The following AGBL4 variants were observed in gnomAD, a reference collection of about 807,000 sequenced individuals.
AGBL4 encodes cytosolic carboxypeptidase 6.
Under a neutral mutation model 66.4 loss-of-function variants are expected in AGBL4, and 58 were observed. The ratio of observed to expected loss-of-function variants is 0.87; its 90% CI spans 0.71 to 1.09. The LOEUF (loss-of-function observed/expected upper bound fraction) is 1.09, where lower values mean the gene tolerates loss of function less well. Ranked by LOEUF, AGBL4 falls within the 50% of genes least tolerant of loss-of-function variation. The pLI, the probability that AGBL4 is intolerant of heterozygous loss-of-function variation, is 0.00. For synonymous variants in AGBL4, 234 were observed against 222.9 expected (o/e 1.05, Z -0.44); for missense variants, 579 against 631.0 (o/e 0.92, Z 0.88).
chr1:49,719,805 G>C (rs958125919), intron 2 of AGBL4, among the ~76,000 whole-genome samples: 3 of 152,186 alleles, frequency 2.0e-5, no homozygotes. Flanking sequence ...CTATTCTTGT[G>C]ATGTGAGCGA....
chr1:49,483,742 C>T lies in AGBL4; in HGVS notation c.282+213571G>A, dbSNP rs761461851. Among the ~76,000 whole-genome samples, 25 of 151,516 alleles carry T rather than the reference C, an allele frequency of 1.6e-4. 1 individual carries two copies. Among genetic ancestry groups the T allele is most frequent in the Non-Finnish European group, 3.2e-4 (22 of 67,858 alleles). Reference sequence around the variant, plus strand: ...CACAGGCAACCAAAGTAAACATGGCCCAATGAAATCCCATCATGTTAAAAA... The same window carrying T: ...CACAGGCAACCAAAGTAAACATGGCTCAATGAAATCCCATCATGTTAAAAA... On this transcript the variant is annotated intron_variant, in intron 3 of 13. Coordinates refer to ENST00000371839, the MANE Select transcript of AGBL4 (RefSeq NM_032785.4).
intron 2 of AGBL4, among the ~76,000 whole-genome samples, chr1:49,709,523 AC>A (rs1165388545): frequency 6.6e-6 from 1 of 152,204 alleles, no homozygotes; most frequent in Non-Finnish European, 1.5e-5. Context: ...AGACTTCATG[AC>A]TAAAACACCA....
At chr1:49,575,995 G>T (rs1644428700) in intron 3 of AGBL4, among the ~76,000 whole-genome samples, 2 of 152,180 alleles carry the variant, frequency 1.3e-5, no homozygotes, top group African/African-American at 4.8e-5. Flanking sequence ...TTATTGGTGA[G>T]ACATTTGCAT....
At chr1:48,740,141 A>G (rs1470449639) in intron 6 of AGBL4, among the ~76,000 whole-genome samples, 1 of 152,238 alleles carries the variant, frequency 6.6e-6, no homozygotes, top group East Asian at 1.9e-4. Context: ...ACTCAAGTAC[A>G]AGGCCAACTT....
chr1:48,594,050 G>T (rs1028112728), intron 9 of AGBL4, among the ~76,000 whole-genome samples: 1 of 152,174 alleles, frequency 6.6e-6, no homozygotes, highest in Admixed American at 6.5e-5. Flanking sequence ...TTGCAGCCGG[G>T]CATGGTGGCT....
intron 2 of AGBL4, among the ~76,000 whole-genome samples, chr1:49,712,958 A>C (rs1318840270): frequency 1.3e-5 from 2 of 152,046 alleles, no homozygotes; most frequent in Admixed American, 6.6e-5. Context: ...AACATTCAAT[A>C]ACATTAACTA....
chr1:48,955,078 CTGTT>C (rs1657321535), intron 5 of AGBL4, among the ~76,000 whole-genome samples: 1 of 152,138 alleles, frequency 6.6e-6, no homozygotes, highest in South Asian at 2.1e-4. Flanking sequence ...CTGTGCTGCA[CTGTT>C]TGTCTGTAGA....
At chr1:48,654,977 C>G (rs1246183892) in intron 7 of AGBL4, among the ~76,000 whole-genome samples, 1 of 152,224 alleles carries the variant, frequency 6.6e-6, no homozygotes, top group Admixed American at 6.5e-5. Context: ...CAGTAATTGA[C>G]CCCAGCTCCC....
At chr1:48,892,890 C>T (rs375209527) in intron 5 of AGBL4, among the ~76,000 whole-genome samples, 1 of 152,076 alleles carries the variant, frequency 6.6e-6, no homozygotes, top group Non-Finnish European at 1.5e-5. Flanking sequence ...TCTGGTTAGA[C>T]CATCTTTCTA....
chr1:49,865,534 AAAAC>A (rs1398584728), intron 1 of AGBL4, among the ~76,000 whole-genome samples: 4 of 152,302 alleles, frequency 2.6e-5, no homozygotes, highest in East Asian at 1.9e-4. Context: ...TTTTGAAAGC[AAAAC>A]AAACAAACAG....
intron 11 of AGBL4, among the ~76,000 whole-genome samples, chr1:48,551,353 C>G (rs1644245693): frequency 6.6e-6 from 1 of 152,178 alleles, no homozygotes; most frequent in African/African-American, 2.4e-5. Context: ...ATGCTTCCTA[C>G]CTCAGGATTA....
At chr1:49,592,711 T>G (rs1644774988) in intron 3 of AGBL4, among the ~76,000 whole-genome samples, 1 of 152,122 alleles carries the variant, frequency 6.6e-6, no homozygotes, top group African/African-American at 2.4e-5. Flanking sequence ...CAAGTCAAAT[T>G]GGCTATTATT....
chr1:48,847,887 G>C lies in AGBL4; in HGVS notation c.634+19304C>G, dbSNP rs548184787. ...ATAGAATATAGTTCTATGGTGGCCT[G>C]ATTCTAGAATTGGTACACATTAATA... On this transcript the variant is annotated intron_variant, in intron 6 of 13. Transcript: ENST00000371839. 6.6e-5 allele frequency among the ~76,000 whole-genome samples: 10 copies of C among 152,258 alleles called. No individual in the cohort carries two copies. The South Asian group carries it at 2.1e-3, about 32-fold the overall frequency.
At chr1:49,041,724 G>C (rs1643947601) in intron 5 of AGBL4, among the ~76,000 whole-genome samples, 1 of 152,122 alleles carries the variant, frequency 6.6e-6, no homozygotes, top group Admixed American at 6.6e-5. Context: ...AACCCGGTAT[G>C]TGTGTTGTGT....
At chr1:48,816,131 A>G (rs1171003342) in intron 6 of AGBL4, among the ~76,000 whole-genome samples, 2 of 152,148 alleles carry the variant, frequency 1.3e-5, no homozygotes, top group Admixed American at 6.6e-5. Flanking sequence ...ACAGACAGAC[A>G]GAGACAGAGA....
chr1:49,332,171 G>A lies in AGBL4; in HGVS notation c.283-86307C>T, dbSNP rs139881337. 1.2e-3 allele frequency among the ~76,000 whole-genome samples: 184 copies of A among 152,286 alleles called. 1 individual carries two copies. Among genetic ancestry groups the A allele is most frequent in the African/African-American group, 4.2e-3 (175 of 41,580 alleles). On this transcript the variant is annotated intron_variant, in intron 3 of 13. Transcript: ENST00000371839. Reference sequence around the variant, plus strand: ...TTGAAAATGTCTACTTATTCAGGATGAAGGCAAGTCTTATAGGTGAAAATT... The same window carrying A: ...TTGAAAATGTCTACTTATTCAGGATAAAGGCAAGTCTTATAGGTGAAAATT...
chr1:48,899,651 C>T (rs944193269), intron 5 of AGBL4, among the ~76,000 whole-genome samples: 1 of 150,362 alleles, frequency 6.7e-6, no homozygotes, highest in Non-Finnish European at 1.5e-5. Flanking sequence ...TATGCATCAA[C>T]TCAGGCCTGC....
At chr1:48,721,152 A>G (rs1041192594) in intron 6 of AGBL4, among the ~76,000 whole-genome samples, 1 of 152,060 alleles carries the variant, frequency 6.6e-6, no homozygotes, top group Non-Finnish European at 1.5e-5. Context: ...CTGGGCTGAC[A>G]TATGGCTGAT....
At chr1:49,935,895 A>G (rs1653949110) in intron 1 of AGBL4, among the ~76,000 whole-genome samples, 2 of 152,192 alleles carry the variant, frequency 1.3e-5, no homozygotes, top group Admixed American at 1.3e-4. Flanking sequence ...GAAAAAACAG[A>G]GCAGAAAAAC....
Sources: gnomAD v4.1 joint callset for allele counts (sites outside exome capture counted in the v4.1 genomes callset) on GRCh38, gnomAD v4.1.1 for gene constraint, MANE v1.5 for transcripts, NCBI Gene and HGNC (gene_info 2026-07-23, HGNC 2026-07-21) for gene names.